UIMC1: variants seen among roughly 807,000 people sequenced by gnomAD.
UIMC1 encodes the protein BRCA1-A complex subunit RAP80.
UIMC1 carries 42 observed loss-of-function variants against 84.9 expected under a neutral mutation model. That is an observed-to-expected ratio of 0.49 (90% CI 0.39 to 0.64). The LOEUF is 0.64. Among genes scored for constraint, UIMC1 ranks in the 30% least tolerant of loss-of-function variants. The pLI is 0.00. For missense variants in UIMC1, 825 were observed against 847.6 expected (o/e 0.97, Z 0.33); for synonymous variants, 281 against 293.0 (o/e 0.96, Z 0.42).
chr5:176,945,552 G>A (rs575798759), intron 9 of UIMC1, among the ~76,000 whole-genome samples: 71 of 152,200 alleles, frequency 4.7e-4, no homozygotes, highest in Non-Finnish European at 9.0e-4. Context: ...ATGAATGGAC[G>A]TGCAGTCAGG....
intron 1 of UIMC1, among the ~76,000 whole-genome samples, chr5:176,988,215 A>C (rs1772314809): frequency 6.6e-6 from 1 of 151,008 alleles, no homozygotes; most frequent in Non-Finnish European, 1.5e-5. Context: ...CTTTATACCC[A>C]CTCTGATGGC....
intron 1 of UIMC1, chr5:177,001,338 T>A (rs944251055): frequency 6.6e-6 from 1 of 152,198 alleles, no homozygotes; most frequent in Non-Finnish European, 1.5e-5. Context: ...GATAGACTTA[T>A]ACGTAAGTTG....
intron 1 of UIMC1, among the ~76,000 whole-genome samples, chr5:176,991,596 T>G (rs1772839097): frequency 7.1e-6 from 1 of 140,904 alleles, no homozygotes; most frequent in African/African-American, 2.8e-5. Flanking sequence ...CACTATTGCA[T>G]TCAAGCCTGG....
Position 177,019,837 on chromosome 5 carries a change from C to A in UIMC1, c.-9+2627G>T, listed in dbSNP as rs557986794. 4.7e-4 allele frequency among the ~76,000 whole-genome samples: 71 copies of A among 151,994 alleles called. No individual in the cohort carries two copies. The South Asian group carries it at 0.014, about 30-fold the overall frequency. The stretch of plus-strand genomic sequence containing the variant: ...ATCCCAGCTACTCGGGAGGCTGAGG[C>A]AGGAGAATTGCTTGAACCCAGGAGG... On this transcript the variant is annotated intron_variant, in intron 1 of 5. Transcript: ENST00000509236.
chr5:176,991,065 T>A (rs1418001731), intron 1 of UIMC1, among the ~76,000 whole-genome samples: 1 of 152,056 alleles, frequency 6.6e-6, no homozygotes, highest in East Asian at 1.9e-4. Flanking sequence ...CAGACTGCAG[T>A]GGCACTATCT....
At chr5:176,970,551 G>C in intron 4 of UIMC1, 191 bp downstream of exon 4, 2 of 814,928 alleles carry the variant, frequency 2.5e-6, no homozygotes, top group Non-Finnish European at 3.9e-6. Flanking sequence ...CTTTCATATA[G>C]AATTAACAAA....
chr5:176,993,549 T>C (rs1322509830), intron 1 of UIMC1, among the ~76,000 whole-genome samples: 7 of 152,068 alleles, frequency 4.6e-5, no homozygotes, highest in Admixed American at 4.6e-4. Context: ...TATACCTATA[T>C]AAAAAACCTG....
intron 1 of UIMC1, among the ~76,000 whole-genome samples, chr5:176,999,261 T>C (rs1405416278): frequency 1.3e-5 from 2 of 152,210 alleles, no homozygotes; most frequent in Admixed American, 6.6e-5. Context: ...ATAAGTCTTA[T>C]ACATTTTATT....
At chr5:176,949,183 T>C (rs1765527632) in intron 9 of UIMC1, among the ~76,000 whole-genome samples, 1 of 152,132 alleles carries the variant, frequency 6.6e-6, no homozygotes. Flanking sequence ...GTTTGTTACA[T>C]ATGTATACAT....
In UIMC1 at chr5:177,018,767, T is replaced by C. The variant is rs1356555219; in HGVS notation, c.-9+3697A>G. Among the ~76,000 whole-genome samples the C allele has an allele frequency of 4.6e-5, 7 of 152,294 alleles. No individual in the cohort carries two copies. The South Asian group carries it at 1.4e-3, about 32-fold the overall frequency. On this transcript the variant is annotated intron_variant, in intron 1 of 5. Transcript: ENST00000509236. ...GACCCTCAGCAGGGTAGCTCAGGAC[T>C]CTGCCTCCATGGCACAGGGGATGAA...
chr5:176,928,384 C>T (rs1344835148), intron 10 of UIMC1, among the ~76,000 whole-genome samples: 1 of 152,110 alleles, frequency 6.6e-6, no homozygotes, highest in African/African-American at 2.4e-5. Flanking sequence ...CTGCACAATA[C>T]TATATTAGAT....
chr5:176,969,862 T>C, intron 4 of UIMC1, 156 bp from the exon 5 acceptor site: 1 of 646,444 alleles, frequency 1.5e-6, no homozygotes, highest in South Asian at 1.9e-5. Context: ...ATGCTGAATG[T>C]CTATGTGCAA....
intron 10 of UIMC1, among the ~76,000 whole-genome samples, chr5:176,932,606 C>T (rs943857476): frequency 2.0e-5 from 3 of 152,150 alleles, no homozygotes; most frequent in Non-Finnish European, 2.9e-5. Context: ...AGGGAAAGTG[C>T]TTGCTCTTGC....
intron 10 of UIMC1, among the ~76,000 whole-genome samples, chr5:176,924,040 G>A (rs935298541): frequency 3.3e-5 from 5 of 151,834 alleles, no homozygotes; most frequent in Non-Finnish European, 5.9e-5. Flanking sequence ...CAATCTGGCC[G>A]GGCACGGTGG....
At chr5:176,932,703 G>A (rs1439075055) in intron 10 of UIMC1, among the ~76,000 whole-genome samples, 1 of 152,104 alleles carries the variant, frequency 6.6e-6, no homozygotes, top group African/African-American at 2.4e-5. Flanking sequence ...AGTGGAAGAA[G>A]GTACCTTTTT....
chr5:176,965,611 G>A (rs1768176802), intron 6 of UIMC1, among the ~76,000 whole-genome samples: 1 of 152,156 alleles, frequency 6.6e-6, no homozygotes, highest in African/African-American at 2.4e-5. Context: ...ATTAGCCATT[G>A]TGCCTAGCCA....
chr5:176,955,898 A>C, intron 8 of UIMC1, 61 bp downstream of exon 8: 2 of 1,516,626 alleles, frequency 1.3e-6, no homozygotes, highest in Admixed American at 3.5e-5. Flanking sequence ...GAGGAAAATT[A>C]ATAGGCATGA....
intron 10 of UIMC1, among the ~76,000 whole-genome samples, chr5:176,937,211 C>T (rs1763815549): frequency 6.6e-6 from 1 of 152,128 alleles, no homozygotes; most frequent in South Asian, 2.1e-4. Flanking sequence ...AAGAGCATTC[C>T]CTCGGCCAGG....
At chr5:176,938,387 G>A (rs1323455279) in intron 10 of UIMC1, among the ~76,000 whole-genome samples, 3 of 152,020 alleles carry the variant, frequency 2.0e-5, no homozygotes, top group South Asian at 2.1e-4. Flanking sequence ...GCAAGCTGGT[G>A]GGGAAACCAA....
Sources: gnomAD v4.1 joint callset for allele counts (sites outside exome capture counted in the v4.1 genomes callset) on GRCh38, gnomAD v4.1.1 for gene constraint, MANE v1.5 for transcripts, NCBI Gene and HGNC (gene_info 2026-07-23, HGNC 2026-07-21) for gene names.